The following GTF3C2 variants were observed in gnomAD, a reference collection of about 807,000 sequenced individuals.
GTF3C2 encodes the protein general transcription factor IIIC subunit 2, also known as general transcription factor 3C polypeptide 2.
A neutral mutation model predicts 117.4 loss-of-function variants in GTF3C2; 17 were observed. That is an observed-to-expected ratio of 0.14 (90% CI 0.10 to 0.22). The LOEUF (loss-of-function observed/expected upper bound fraction) is 0.22, where lower values mean the gene tolerates loss of function less well. Among genes scored for constraint, GTF3C2 ranks in the 10% least tolerant of loss-of-function variants. The probability of loss-of-function intolerance (pLI) is 1.00; values close to 1 mark genes in which losing one functional copy is unlikely to be tolerated. For synonymous variants in GTF3C2, 437 were observed against 427.0 expected (o/e 1.02, Z -0.29); for missense variants, 888 against 1,143.6 (o/e 0.78, Z 3.22).
rs1453676783 is a variant in GTF3C2 at position 27,329,168 on chromosome 2, C to A, written c.1992G>T (p.Leu664=). The change falls in exon 14 of 19, where the codon CTG becomes CTT. Residue 664 remains leucine, a synonymous_variant. Coordinates refer to ENST00000264720, the Ensembl canonical transcript of GTF3C2. This position sits in a 1 kb window ranked among gnomAD's most constrained non-coding sequence, Gnocchi z 4.5. ...CCACAGTGACACCATTGTAGGGAAG[C>A]AGCCAGGCCAGTTCTGTACTCAAGA... 1 of 1,614,164 alleles carries A rather than the reference C, an allele frequency of 6.2e-7. No individual in the cohort carries two copies. The highest frequency in any genetic ancestry group is 1.1e-5 in the South Asian group (1 of 91,082).
chr2:27,337,489 T>A, exon 6 of GTF3C2: 1 of 1,608,186 alleles, frequency 6.2e-7, no homozygotes, highest in Non-Finnish European at 8.5e-7. Flanking sequence ...ACAGCTCAGA[T>A]AACAAGTGCC....
chr2:27,342,837 C>T, exon 3 of GTF3C2: 1 of 1,613,202 alleles, frequency 6.2e-7, no homozygotes, highest in Non-Finnish European at 8.5e-7. Context: ...CTTGGGCAGC[C>T]CTTCGGCGGG....
intron 16 of GTF3C2, 63 bp from the exon 17 acceptor site, chr2:27,328,252 G>GT (rs1680155497): frequency 7.3e-7 from 1 of 1,378,852 alleles, no homozygotes. Context: ...GCAGAGGAAA[G>GT]TGGTTTGGGC....
chr2:27,345,158 C>T (rs1680872978), intron 1 of GTF3C2, among the ~76,000 whole-genome samples: 1 of 151,924 alleles, frequency 6.6e-6, no homozygotes, highest in Admixed American at 6.6e-5. Flanking sequence ...GTCTCAGCTA[C>T]TTGGGAGGCT....
intron 12 of GTF3C2, among the ~76,000 whole-genome samples, chr2:27,330,900 T>G (rs1363440007): frequency 6.6e-6 from 1 of 152,042 alleles, no homozygotes; most frequent in Non-Finnish European, 1.5e-5. Flanking sequence ...AGATAGAGGT[T>G]GCAGTGAGCC....
At chr2:27,340,001 AAAAAAAG>A (rs1680664187) in intron 4 of GTF3C2, 2 of 151,326 alleles carry the variant, frequency 1.3e-5, no homozygotes, top group Admixed American at 6.6e-5. Context: ...AAAAAAAAAA[AAAAAAAG>A]GGAAAAAAGA....
At chr2:27,335,211 G>A (rs1411617846) in intron 10 of GTF3C2, 2 of 477,730 alleles carry the variant, frequency 4.2e-6, no homozygotes, top group African/African-American at 4.0e-5. Context: ...TTGTGTTTGT[G>A]TGGTGGTGAG....
intron 12 of GTF3C2, among the ~76,000 whole-genome samples, chr2:27,331,878 G>A (rs994961832): frequency 6.6e-5 from 10 of 152,076 alleles, no homozygotes; most frequent in African/African-American, 2.4e-4. Flanking sequence ...AGTCCAGGAC[G>A]CAGTGAGCCA....
At chr2:27,333,899 G>A (rs1314978182) in intron 11 of GTF3C2, 75 bp downstream of exon 11, 3 of 1,449,442 alleles carry the variant, frequency 2.1e-6, no homozygotes, top group Admixed American at 1.7e-5. Flanking sequence ...AGTATAAGGA[G>A]ACTCACTGTG....
At chr2:27,337,417 T>C in intron 6 of GTF3C2, 64 bp downstream of exon 6, 1 of 1,453,070 alleles carries the variant, frequency 6.9e-7, no homozygotes, top group Non-Finnish European at 9.7e-7. Context: ...ATAGAGCCTC[T>C]GTCACCCTTT....
intron 1 of GTF3C2, among the ~76,000 whole-genome samples, chr2:27,345,391 G>A (rs13383752): frequency 1.3e-5 from 2 of 152,096 alleles, no homozygotes; most frequent in African/African-American, 4.8e-5. Flanking sequence ...TCAGGAGTTC[G>A]AGACCAGCCT....
At chr2:27,326,105 G>A in exon 19 of GTF3C2, 1 of 424,402 alleles carries the variant, frequency 2.4e-6, no homozygotes, top group South Asian at 1.8e-5. Context: ...AGTAAGATCT[G>A]AGCCACTGTT....
intron 1 of GTF3C2, chr2:27,356,035 G>A: frequency 2.6e-6 from 3 of 1,139,028 alleles, no homozygotes; most frequent in South Asian, 1.3e-5. Context: ...GTGATGGCAC[G>A]GGATTGACTT....
chr2:27,348,587 T>C (rs771251128), intron 1 of GTF3C2, among the ~76,000 whole-genome samples: 1 of 152,012 alleles, frequency 6.6e-6, no homozygotes, highest in Non-Finnish European at 1.5e-5. Flanking sequence ...GCAGATTGCT[T>C]GAGGCCAGGA....
intron 3 of GTF3C2, 123 bp from the exon 4 acceptor site, chr2:27,342,356 A>G: frequency 1.3e-6 from 1 of 743,624 alleles, no homozygotes; most frequent in Non-Finnish European, 2.1e-6. Context: ...AATTAACTCT[A>G]TTAATTTCCC....
At chr2:27,347,200 G>C (rs1041948219) in intron 1 of GTF3C2, among the ~76,000 whole-genome samples, 11 of 152,184 alleles carry the variant, frequency 7.2e-5, no homozygotes, top group African/African-American at 2.7e-4. Context: ...CAAAGGGGCA[G>C]ACATAGTTCA....
Position 27,336,589 on chromosome 2 carries a change from T to C in GTF3C2, c.1128-164A>G. 3 of 587,786 alleles carry C rather than the reference T, an allele frequency of 5.1e-6. No homozygotes were observed. The South Asian group carries it at 6.6e-5, about 13-fold the overall frequency. The allele number at this position is 587,786 out of a possible 1,614,324, so 36.4% of individuals were successfully genotyped here. ...GAGTCCTTGGCTTCCACTTGTATCT[T>C]CCTCCTTTCCTTCCCAAAGTCTGTC... On this transcript the variant is annotated intron_variant, in intron 7 of 18. Coordinates refer to ENST00000264720, the Ensembl canonical transcript of GTF3C2.
intron 12 of GTF3C2, 100 bp downstream of exon 12, chr2:27,333,555 T>C: frequency 1.4e-6 from 1 of 702,592 alleles, no homozygotes; most frequent in South Asian, 1.9e-5. Context: ...TTTCTAACTA[T>C]ATGTCCAGTA....
exon 19 of GTF3C2, chr2:27,326,369 CA>C (rs1283729097): frequency 1.0e-5 from 5 of 500,780 alleles, no homozygotes; most frequent in Non-Finnish European, 1.8e-5. Context: ...ACCCACTTAA[CA>C]ATATGCTCAA....
Sources: allele counts gnomAD v4.1 joint callset (sites outside exome capture counted in the v4.1 genomes callset), GRCh38; gene constraint gnomAD v4.1.1; non-coding constraint Gnocchi (gnomAD v3.1); transcripts MANE v1.5; gene names NCBI Gene and HGNC (gene_info 2026-07-23, HGNC 2026-07-21).